NTAQ1: variants seen among roughly 807,000 people sequenced by gnomAD.
The protein encoded by NTAQ1 is protein N-terminal glutamine amidohydrolase.
A neutral mutation model predicts 28.2 loss-of-function variants in NTAQ1; 21 were observed. The observed-to-expected ratio is 0.74, with a 90% CI of 0.53 to 1.07. The LOEUF (loss-of-function observed/expected upper bound fraction) is 1.07, where lower values mean the gene tolerates loss of function less well. Ranked by LOEUF, NTAQ1 falls within the 50% of genes least tolerant of loss-of-function variation. The probability of loss-of-function intolerance (pLI) is 0.00; values close to 1 mark genes in which losing one functional copy is unlikely to be tolerated. For synonymous variants in NTAQ1, 105 were observed against 90.0 expected (o/e 1.17, Z -0.94); for missense variants, 264 against 256.6 (o/e 1.03, Z -0.20).
chr8:123,429,501 G>A (rs1286965870), intron 2 of NTAQ1, among the ~76,000 whole-genome samples: 2 of 152,272 alleles, frequency 1.3e-5, no homozygotes, highest in Non-Finnish European at 2.9e-5. Context: ...GAAGCCAAGA[G>A]TTCAAGGCTG....
chr8:123,423,764 C>A (rs879409975), intron 1 of NTAQ1, among the ~76,000 whole-genome samples: 11 of 152,064 alleles, frequency 7.2e-5, no homozygotes, highest in Non-Finnish European at 1.5e-4. Flanking sequence ...TTCTGTGTAA[C>A]ATTTACATAT....
intron 3 of NTAQ1, among the ~76,000 whole-genome samples, chr8:123,430,658 G>T (rs150719153): frequency 6.6e-6 from 1 of 152,308 alleles, no homozygotes; most frequent in East Asian, 1.9e-4. Flanking sequence ...GCACTCACCT[G>T]TAGTCCCAGC....
chr8:123,468,666 T>C (rs35501815), exon 7 of NTAQ1, among the ~76,000 whole-genome samples: 7,152 of 152,298 alleles, frequency 0.047, 222 homozygotes, highest in Non-Finnish European at 0.069. Flanking sequence ...GCAAGCGACA[T>C]AGATGTGCAA....
At chr8:123,448,546 G>A (rs1815369677), downstream of NTAQ1, among the ~76,000 whole-genome samples, 2 of 152,258 alleles carry the variant, frequency 1.3e-5, no homozygotes, top group Admixed American at 6.5e-5. Context: ...TTGAACCCGG[G>A]AGGTGGAGGT....
intron 3 of NTAQ1, among the ~76,000 whole-genome samples, chr8:123,434,233 C>T (rs1326107863): frequency 6.6e-6 from 1 of 152,002 alleles, no homozygotes; most frequent in Admixed American, 6.6e-5. Context: ...ATTCACTTCT[C>T]TGGGAACTTC....
chr8:123,456,007 G>A (rs1433882804), intron 6 of NTAQ1, among the ~76,000 whole-genome samples: 2 of 152,130 alleles, frequency 1.3e-5, no homozygotes, highest in African/African-American at 4.8e-5. Context: ...CATCTGGTCA[G>A]GTGGGGGAAT....
chr8:123,438,754 A>G (rs1407886561), intron 5 of NTAQ1, among the ~76,000 whole-genome samples: 1 of 152,176 alleles, frequency 6.6e-6, no homozygotes, highest in African/African-American at 2.4e-5. Flanking sequence ...GGGACTGAAC[A>G]CTAAGAGAGG....
In NTAQ1 at chr8:123,453,711, T is replaced by G. The variant is rs533185866; in HGVS notation, c.372+12362T>G. On this transcript the variant is annotated intron_variant, in intron 6 of 6. Transcript: ENST00000650311. ...AAAGTGCTGGGATTACAGGTGTGAG[T>G]CATCGTGCCTGGCCCCAGATAGCTC... Among the ~76,000 whole-genome samples, 242 of 152,150 alleles carry G rather than the reference T, an allele frequency of 1.6e-3. 1 individual carries two copies. In the South Asian group the frequency reaches 0.027, roughly 17 times the overall value.
downstream of NTAQ1, among the ~76,000 whole-genome samples, chr8:123,442,960 G>T (rs546436885): frequency 8.2e-4 from 116 of 141,984 alleles, no homozygotes; most frequent in Non-Finnish European, 1.6e-3. Context: ...GAGCCACCGC[G>T]CCCGGCCCCC....
intron 1 of NTAQ1, among the ~76,000 whole-genome samples, chr8:123,423,005 T>C (rs906760367): frequency 2.0e-5 from 3 of 152,232 alleles, no homozygotes; most frequent in African/African-American, 4.8e-5. Flanking sequence ...CATTGGTCCG[T>C]GTGTCTGTTT....
At chr8:123,449,929 A>ATGTGTGTGTGTGTGTGTGTGTG (rs368162793), downstream of NTAQ1, among the ~76,000 whole-genome samples, 23 of 66,710 alleles carry the variant, frequency 3.4e-4, 3 homozygotes, top group African/African-American at 1.3e-3. Flanking sequence ...GTATATATAT[A>ATGTGTGTGTGTGTGTGTGTGTG]TGTGTGTGTG....
downstream of NTAQ1, among the ~76,000 whole-genome samples, chr8:123,470,498 G>C (rs1816030748): frequency 6.6e-6 from 1 of 152,218 alleles, no homozygotes; most frequent in Non-Finnish European, 1.5e-5. Context: ...TGAGAATAGT[G>C]GAGTGTGTAA....
chr8:123,418,817 A>T (rs1288689186), intron 1 of NTAQ1, among the ~76,000 whole-genome samples: 1 of 152,186 alleles, frequency 6.6e-6, no homozygotes, highest in African/African-American at 2.4e-5. Flanking sequence ...TCTTGGCTTG[A>T]GTGACATTTT....
intron 5 of NTAQ1, chr8:123,438,310 A>C: frequency 1.6e-6 from 1 of 634,690 alleles, no homozygotes; most frequent in South Asian, 1.8e-5. Flanking sequence ...TCTGTGTGAA[A>C]GTGCTCTGTG....
chr8:123,434,615 ACT>A lies in NTAQ1; in HGVS notation c.235-1835_235-1834del, dbSNP rs1381690815. Among the ~76,000 whole-genome samples, 4 of 152,214 alleles carry A rather than the reference ACT, an allele frequency of 2.6e-5. No homozygotes were observed. The South Asian group carries it at 6.2e-4, about 24-fold the overall frequency. ...GCTCCAGCCTGGGTGACAGAGAGAG[ACT>A]CTGTCTCAAAACAACAACAACAACA... On this transcript the variant is annotated intron_variant, in intron 3 of 5. Coordinates refer to ENST00000287387, the MANE Select transcript of NTAQ1 (RefSeq NM_018024.3).
chr8:123,460,307 T>G (rs1335223392), intron 6 of NTAQ1, among the ~76,000 whole-genome samples: 2 of 152,194 alleles, frequency 1.3e-5, no homozygotes, highest in African/African-American at 4.8e-5. Flanking sequence ...ATTATCCTTA[T>G]TTTTCAGATG....
chr8:123,438,511 C>A (rs932778175), intron 5 of NTAQ1, among the ~76,000 whole-genome samples: 4 of 151,808 alleles, frequency 2.6e-5, no homozygotes, highest in African/African-American at 9.7e-5. Flanking sequence ...CAAAAATTAG[C>A]CGGGTGTGGT....
intron 1 of NTAQ1, among the ~76,000 whole-genome samples, chr8:123,423,151 G>A (rs13263438): frequency 0.36 from 54,320 of 151,716 alleles, 9,842 homozygotes; most frequent in East Asian, 0.56. Context: ...GTGCATATGA[G>A]TTTTAGAATA....
intron 2 of NTAQ1, among the ~76,000 whole-genome samples, chr8:123,429,603 G>A (rs868510764): frequency 2.6e-5 from 4 of 151,966 alleles, no homozygotes; most frequent in African/African-American, 9.7e-5. Context: ...GGTGGCTCAC[G>A]CCTATAATCC....
Sources: allele counts gnomAD v4.1 joint callset (sites outside exome capture counted in the v4.1 genomes callset), GRCh38; gene constraint gnomAD v4.1.1; transcripts MANE v1.5; gene names NCBI Gene and HGNC (gene_info 2026-07-23, HGNC 2026-07-21).